The following RIMOC1 variants were observed in gnomAD, a reference collection of about 807,000 sequenced individuals.
RIMOC1 encodes RAB7A interacting MON1-CCZ1 complex subunit 1.
the RIMOC1 span, chr5:41,918,053 T>G: frequency 3.0e-6 from 3 of 985,232 alleles, no homozygotes; most frequent in Non-Finnish European, 3.6e-6. Context: ...AATTTTAATG[T>G]TTTTTGCCTT....
the RIMOC1 span, chr5:41,911,257 G>T: frequency 4.5e-6 from 6 of 1,332,082 alleles, no homozygotes; most frequent in Non-Finnish European, 5.1e-6. Context: ...GTACTACTAA[G>T]AGTAGTGGAT....
the RIMOC1 span, chr5:41,918,486 T>C: frequency 3.0e-6 from 3 of 985,416 alleles, no homozygotes; most frequent in Non-Finnish European, 3.6e-6. Context: ...TGAACTAATC[T>C]CACCAGTTAT....
chr5:41,904,703 C>CT, the RIMOC1 span, among the ~76,000 whole-genome samples: 1 of 152,124 alleles, frequency 6.6e-6, no homozygotes, highest in African/African-American at 2.4e-5. Flanking sequence ...CATGGAAAAT[C>CT]TGTCTAGATC....
the RIMOC1 span, chr5:41,909,736 T>C: frequency 5.9e-6 from 9 of 1,522,764 alleles, no homozygotes; most frequent in Non-Finnish European, 7.9e-6. Context: ...TTCTTTTTTT[T>C]TTTTTTTAGG....
the RIMOC1 span, chr5:41,921,528 TTA>T: frequency 1.3e-5 from 2 of 152,086 alleles, no homozygotes; most frequent in African/African-American, 4.8e-5. Context: ...AAAGTATGTA[TTA>T]TGTATTTATG....
the RIMOC1 span, chr5:41,907,950 T>G: frequency 1.6e-5 from 11 of 679,670 alleles, no homozygotes; most frequent in African/African-American, 1.9e-4. Flanking sequence ...ATATTTCAAG[T>G]GTTTAATTTT....
At chr5:41,912,759 G>A in the RIMOC1 span, among the ~76,000 whole-genome samples, 1 of 152,286 alleles carries the variant, frequency 6.6e-6, no homozygotes, top group South Asian at 2.1e-4. Flanking sequence ...CTCAACACCT[G>A]GGGATTATGA....
chr5:41,915,494 A>G, the RIMOC1 span, among the ~76,000 whole-genome samples: 4 of 152,168 alleles, frequency 2.6e-5, no homozygotes, highest in African/African-American at 9.7e-5. Flanking sequence ...GTCCGTTTTC[A>G]TGCTGCCAAT....
At chr5:41,911,972 A>G in the RIMOC1 span, 1 of 803,400 alleles carries the variant, frequency 1.2e-6, no homozygotes, top group Non-Finnish European at 2.1e-6. Context: ...ATATTAACCA[A>G]TTTTCTCTTG....
the RIMOC1 span, chr5:41,918,618 G>T: frequency 1.0e-6 from 1 of 985,350 alleles, no homozygotes; most frequent in Non-Finnish European, 1.2e-6. Flanking sequence ...CTTCAAAGTA[G>T]AATCACTACA....
chr5:41,917,636 A>G, the RIMOC1 span: 3 of 985,858 alleles, frequency 3.0e-6, no homozygotes, highest in Non-Finnish European at 3.6e-6. Flanking sequence ...ACACAAGTTT[A>G]CCATTTTTAT....
At chr5:41,911,671 A>T in the RIMOC1 span, among the ~76,000 whole-genome samples, 1 of 152,188 alleles carries the variant, frequency 6.6e-6, no homozygotes, top group Non-Finnish European at 1.5e-5. Context: ...TTGAAATGCG[A>T]GGCCACACTT....
the RIMOC1 span, chr5:41,917,554 A>G: frequency 1.8e-6 from 2 of 1,128,198 alleles, no homozygotes; most frequent in African/African-American, 3.2e-5. Flanking sequence ...TGTCACTAAT[A>G]ATGAGTAGTA....
chr5:41,917,060 G>A, the RIMOC1 span: 4 of 1,613,124 alleles, frequency 2.5e-6, no homozygotes, highest in Non-Finnish European at 3.4e-6. Flanking sequence ...GTACAGTGGA[G>A]AAATGTGTTA....
the RIMOC1 span, chr5:41,917,986 G>A: frequency 2.5e-5 from 25 of 984,364 alleles, no homozygotes; most frequent in Non-Finnish European, 3.0e-5. Flanking sequence ...AACCAAGCTA[G>A]GTTAGTCTAC....
chr5:41,918,381 T>C, the RIMOC1 span: 7 of 985,724 alleles, frequency 7.1e-6, no homozygotes, highest in South Asian at 4.7e-5. Context: ...CAGTTCCTTC[T>C]TACCCCCTTT....
chr5:41,918,823 T>C, the RIMOC1 span: 2 of 916,922 alleles, frequency 2.2e-6, no homozygotes, highest in South Asian at 5.0e-5. Flanking sequence ...AACTTGTATT[T>C]ACCAACTTTA....
At chr5:41,917,168 G>A in the RIMOC1 span, 1 of 1,613,838 alleles carries the variant, frequency 6.2e-7, no homozygotes, top group East Asian at 2.2e-5. Flanking sequence ...GGAACCCTTG[G>A]ATTTCCGAGA....
the RIMOC1 span, among the ~76,000 whole-genome samples, chr5:41,914,468 A>G: frequency 2.1e-5 from 3 of 143,440 alleles, no homozygotes; most frequent in Non-Finnish European, 4.4e-5. Flanking sequence ...AACAAAACAA[A>G]ACAAAACAAA....
Sources: gnomAD v4.1 joint callset for allele counts (sites outside exome capture counted in the v4.1 genomes callset) on GRCh38, gnomAD v4.1.1 for gene constraint, MANE v1.5 for transcripts, NCBI Gene and HGNC (gene_info 2026-07-23, HGNC 2026-07-21) for gene names.